Variants in INTS7 observed in about 807,000 individuals in gnomAD.
INTS7 encodes the protein chromosome 1 open reading frame 73.
INTS7 carries 46 observed loss-of-function variants against 109.2 expected under a neutral mutation model. That is an observed-to-expected ratio of 0.42 (90% CI 0.33 to 0.54). The LOEUF is 0.54. Among genes scored for constraint, INTS7 ranks in the 20% least tolerant of loss-of-function variants. INTS7 has a pLI of 0.07. For missense variants in INTS7, 929 were observed against 1,132.4 expected (o/e 0.82, Z 2.58); for synonymous variants, 412 against 402.9 (o/e 1.02, Z -0.27).
rs1225203292 is a variant in INTS7, at chr1:212,021,079, T to G, written c.224+4A>C. ...TAGGACATCGAGAATTTAAAAAGAC[T>G]TACCCAACTCTGAAAACATCAGCTA... On this transcript the variant is annotated splice_donor_region_variant and intron_variant, in intron 2 of 19. Coordinates refer to ENST00000366994, the MANE Select transcript of INTS7 (RefSeq NM_015434.4). The G allele has an allele frequency of 5.6e-6, 9 of 1,596,964 alleles. No homozygotes were observed. Among genetic ancestry groups the G allele is most frequent in the Non-Finnish European group, 6.8e-6 (8 of 1,174,040 alleles).
chr1:212,020,404 A>G (rs1666636940), intron 2 of INTS7, 136 bp from the exon 3 acceptor site: 1 of 629,840 alleles, frequency 1.6e-6, no homozygotes, highest in Non-Finnish European at 2.7e-6. Context: ...AACTACTAAA[A>G]GAGTTAAAGT....
chr1:212,010,514 C>G (rs1666121593), intron 5 of INTS7, among the ~76,000 whole-genome samples: 1 of 152,132 alleles, frequency 6.6e-6, no homozygotes, highest in Non-Finnish European at 1.5e-5. Context: ...ATTAGCCTCT[C>G]TCACACAGAG....
At position 211,980,480 on chromosome 1, in the gene INTS7, G is replaced by C. The variant is rs79441403; in HGVS notation, c.1230+613C>G. On this transcript the variant is annotated intron_variant, in intron 10 of 19. Transcript: ENST00000366994. ...AGACAGGGTCTCATTCTTTCACATA[G>C]GGTAGAGAACAGTGGTGCAATAATG... is the stretch of plus-strand genomic sequence containing the variant. Among the ~76,000 whole-genome samples the C allele has an allele frequency of 8.0e-3, 1,212 of 151,996 alleles. 16 individuals carry two copies. The highest frequency in any genetic ancestry group is 0.027 in the African/African-American group (1,139 of 41,432).
At chr1:211,958,047 C>T (rs2808390) in intron 16 of INTS7, among the ~76,000 whole-genome samples, 6,558 of 145,988 alleles carry the variant, frequency 0.045, 190 homozygotes, top group African/African-American at 0.077. Flanking sequence ...TTGCTATAAA[C>T]GGTCAAATAT....
At chr1:211,991,972 G>A (rs1268487601) in intron 7 of INTS7, among the ~76,000 whole-genome samples, 1 of 152,242 alleles carries the variant, frequency 6.6e-6, no homozygotes, top group African/African-American at 2.4e-5. Flanking sequence ...CAAAATGCAA[G>A]TGTATGAAAG....
intron 12 of INTS7, among the ~76,000 whole-genome samples, chr1:211,976,044 T>C (rs145092224): frequency 0.026 from 3,924 of 152,204 alleles, 58 homozygotes; most frequent in African/African-American, 0.045. Flanking sequence ...AAGAGATTTG[T>C]CCGCCTTGGC....
chr1:211,971,133 T>C (rs769060174), intron 13 of INTS7, among the ~76,000 whole-genome samples: 1 of 152,172 alleles, frequency 6.6e-6, no homozygotes, highest in Non-Finnish European at 1.5e-5. Context: ...ACTACTGACA[T>C]TCTGAACTGA....
intron 16 of INTS7, among the ~76,000 whole-genome samples, chr1:211,964,530 G>C (rs1325348170): frequency 6.6e-6 from 1 of 152,154 alleles, no homozygotes. Flanking sequence ...TAAGCAAAAA[G>C]AGCAAAGCTG....
intron 8 of INTS7, among the ~76,000 whole-genome samples, chr1:211,986,869 A>T (rs1664915868): frequency 6.6e-6 from 1 of 152,164 alleles, no homozygotes; most frequent in Non-Finnish European, 1.5e-5. Flanking sequence ...CGTGGCAGGG[A>T]ATTCCCTACA....
At chr1:211,968,824 C>T (rs576065114) in intron 13 of INTS7, 117 bp from the exon 14 acceptor site, 20 of 603,172 alleles carry the variant, frequency 3.3e-5, no homozygotes, top group South Asian at 1.7e-4. Context: ...AAAACACTGA[C>T]GGATAAAGAC....
intron 8 of INTS7, 96 bp from the exon 9 acceptor site, chr1:211,982,906 C>A (rs942537166): frequency 1.1e-6 from 1 of 920,598 alleles, no homozygotes; most frequent in South Asian, 2.0e-5. Flanking sequence ...TGAGAAAAGT[C>A]TCTAACAATA....
intron 1 of INTS7, among the ~76,000 whole-genome samples, chr1:212,034,262 GT>G (rs1286922712): frequency 6.6e-6 from 1 of 151,964 alleles, no homozygotes; most frequent in South Asian, 2.1e-4. Flanking sequence ...AAATTTTTGT[GT>G]TTATCAAAAT....
rs1228720101 is a variant in INTS7, at chr1:212,016,825, C to T, written c.509+61G>A. 2.9e-6 allele frequency: 4 copies of T among 1,386,550 alleles called. No individual in the cohort carries two copies. In the East Asian group the frequency reaches 9.9e-5, roughly 34 times the overall value. 85.9% of individuals were successfully genotyped at this position (1,386,550 alleles called of 1,614,324 possible). On this transcript the variant is annotated intron_variant, in intron 4 of 19. Transcript: ENST00000366994. ...TGTTTATATAAGTTGATCAGTTTTT[C>T]CTTCAAAAATTTTTCTTGGGAAGCC...
chr1:211,962,004 T>C (rs576357524), intron 16 of INTS7, among the ~76,000 whole-genome samples: 1 of 152,234 alleles, frequency 6.6e-6, no homozygotes, highest in Non-Finnish European at 1.5e-5. Flanking sequence ...GCTATCATGA[T>C]GACAGGATCA....
At chr1:211,979,853 GGTTAAA>G (rs1168379948) in intron 10 of INTS7, among the ~76,000 whole-genome samples, 3 of 152,098 alleles carry the variant, frequency 2.0e-5, no homozygotes, top group Admixed American at 6.6e-5. Flanking sequence ...TAATACCCTT[GGTTAAA>G]GTTAATCACT....
chr1:212,008,064 C>T (rs971944036), intron 5 of INTS7, among the ~76,000 whole-genome samples: 6 of 152,140 alleles, frequency 3.9e-5, no homozygotes, highest in African/African-American at 1.2e-4. Flanking sequence ...ATTTCTCAGT[C>T]GTAATGTACC....
intron 3 of INTS7, among the ~76,000 whole-genome samples, chr1:212,017,770 C>A (rs2102486408): frequency 6.6e-6 from 1 of 152,300 alleles, no homozygotes; most frequent in South Asian, 2.1e-4. Context: ...TCCTAAATAA[C>A]CTTCCAATGT....
Position 211,978,520 on chromosome 1 carries a change from CA to C in INTS7, c.1231-10del. 1 of 1,612,770 alleles carries C rather than the reference CA, an allele frequency of 6.2e-7. No homozygotes were observed. The highest frequency in any genetic ancestry group is 8.5e-7 in the Non-Finnish European group (1 of 1,179,442). Reference sequence around the variant, plus strand: ...ATACAGTTTAGAGCAATCTGCACGCCAAAAAGAAAATGAACTAGTTACATTT... The same window carrying C: ...ATACAGTTTAGAGCAATCTGCACGCCAAAAGAAAATGAACTAGTTACATTT... On this transcript the variant is annotated splice_polypyrimidine_tract_variant and intron_variant, in intron 10 of 19. Transcript: ENST00000366994.
chr1:211,977,323 TG>T (rs1313706570), intron 11 of INTS7, among the ~76,000 whole-genome samples: 1 of 152,236 alleles, frequency 6.6e-6, no homozygotes, highest in Non-Finnish European at 1.5e-5. Context: ...TCAGATTTTT[TG>T]AATATTATGT....
Sources: allele counts gnomAD v4.1 joint callset (sites outside exome capture counted in the v4.1 genomes callset), GRCh38; gene constraint gnomAD v4.1.1; transcripts MANE v1.5; gene names NCBI Gene and HGNC (gene_info 2026-07-23, HGNC 2026-07-21).